The following RAP1GAP2 variants were observed in gnomAD, a reference collection of about 807,000 sequenced individuals.
RAP1GAP2 encodes RAP1 GTPase activating protein 2.
A neutral mutation model predicts 95.0 loss-of-function variants in RAP1GAP2; 27 were observed. The ratio of observed to expected loss-of-function variants is 0.28; its 90% CI spans 0.21 to 0.39. The LOEUF (loss-of-function observed/expected upper bound fraction) is 0.39, where lower values mean the gene tolerates loss of function less well. RAP1GAP2 is among the 10% of genes least tolerant of loss of function. The pLI is 1.00. For missense variants in RAP1GAP2, 771 were observed against 970.0 expected, an observed-to-expected ratio of 0.79 and a Z score of 2.72; for synonymous variants, 373 against 380.9, an observed-to-expected ratio of 0.98 and a Z score of 0.24.
chr17:2,872,581 C>T (rs923821048), intron 2 of RAP1GAP2, among the ~76,000 whole-genome samples: 7 of 152,128 alleles, frequency 4.6e-5, no homozygotes, highest in African/African-American at 1.2e-4. Context: ...TTCTGTTACC[C>T]GCAGTCATGC....
intron 1 of RAP1GAP2, among the ~76,000 whole-genome samples, chr17:2,759,966 A>T (rs753281816): frequency 9.2e-5 from 14 of 152,162 alleles, no homozygotes; most frequent in Non-Finnish European, 1.3e-4. Flanking sequence ...ACCTCCAAAG[A>T]AGTTGTACCG....
chr17:2,927,102 G>C (rs994564832), intron 3 of RAP1GAP2, among the ~76,000 whole-genome samples: 1 of 151,496 alleles, frequency 6.6e-6, no homozygotes, highest in Non-Finnish European at 1.5e-5. Flanking sequence ...GCTCCTAGAA[G>C]GCCACCTGTA....
chr17:2,756,049 G>A (rs1054319578), intron 1 of RAP1GAP2, among the ~76,000 whole-genome samples: 3 of 152,220 alleles, frequency 2.0e-5, no homozygotes, highest in Non-Finnish European at 4.4e-5. Flanking sequence ...CTCCCGCGGG[G>A]GCGCCCTTTC....
intron 1 of RAP1GAP2, among the ~76,000 whole-genome samples, chr17:2,785,670 C>A (rs1421618686): frequency 6.6e-6 from 1 of 152,118 alleles, no homozygotes; most frequent in Non-Finnish European, 1.5e-5. Flanking sequence ...TTTAAAAAGG[C>A]CAAGAATTTC....
chr17:2,888,557 G>A (rs1015472443), intron 2 of RAP1GAP2, among the ~76,000 whole-genome samples: 2 of 151,876 alleles, frequency 1.3e-5, no homozygotes, highest in Non-Finnish European at 2.9e-5. Flanking sequence ...TTCCCATAAT[G>A]TCCTCCAGTT....
At chr17:2,887,681 T>C (rs2073547197) in intron 2 of RAP1GAP2, among the ~76,000 whole-genome samples, 1 of 77,246 alleles carries the variant, frequency 1.3e-5, no homozygotes, top group Admixed American at 1.4e-4. Context: ...GGTTTTTTTG[T>C]TTTTTTTTTT....
intron 2 of RAP1GAP2, among the ~76,000 whole-genome samples, chr17:2,846,187 GAAA>G (rs113651847): frequency 7.6e-6 from 1 of 130,756 alleles, no homozygotes. Context: ...TGTCTCAATT[GAAA>G]AAAAAAAAAA....
intron 2 of RAP1GAP2, among the ~76,000 whole-genome samples, chr17:2,882,825 G>A (rs2073358108): frequency 6.6e-6 from 1 of 152,190 alleles, no homozygotes; most frequent in Non-Finnish European, 1.5e-5. Flanking sequence ...TGGAGGCCAC[G>A]GGTGAGGGAA....
In RAP1GAP2 at chr17:2,965,104, G is replaced by A. The variant is rs1272490472; in HGVS notation, c.493-436G>A. 1 of 170,766 alleles carries A rather than the reference G, an allele frequency of 5.9e-6. No individual in the cohort carries two copies. Among genetic ancestry groups the A allele is most frequent in the Non-Finnish European group, 1.3e-5 (1 of 78,422 alleles). 10.6% of individuals were successfully genotyped at this position (170,766 alleles called of 1,614,324 possible). A position where few individuals can be genotyped will look rare whatever the true frequency, so the allele number is the denominator to read the frequency against. ...TCCTTGCTGTCTTGCCCCAGATAGTGTGAACTGGTGAGGGCCGCCCCATGG... is the reference window on the plus strand; with the variant it reads ...TCCTTGCTGTCTTGCCCCAGATAGTATGAACTGGTGAGGGCCGCCCCATGG... On this transcript the variant is annotated intron_variant, in intron 7 of 24. Transcript: ENST00000254695. The surrounding 1 kb of genome is among the most constrained non-coding windows in gnomAD (Gnocchi z 4.7).
At chr17:2,979,253 C>T (rs979662475) in intron 8 of RAP1GAP2, among the ~76,000 whole-genome samples, 2 of 152,084 alleles carry the variant, frequency 1.3e-5, no homozygotes, top group Non-Finnish European at 1.5e-5. Flanking sequence ...GATTCCATCC[C>T]ATTTATATTT....
intron 3 of RAP1GAP2, among the ~76,000 whole-genome samples, chr17:2,928,927 G>A (rs1392295990): frequency 6.6e-6 from 1 of 152,104 alleles, no homozygotes; most frequent in Non-Finnish European, 1.5e-5. Context: ...TCACTGGCTG[G>A]GTGGAGCTTC....
chr17:2,821,208 T>C (rs552392320), intron 2 of RAP1GAP2, among the ~76,000 whole-genome samples: 2 of 152,162 alleles, frequency 1.3e-5, no homozygotes, highest in Admixed American at 6.6e-5. Flanking sequence ...TTTCCATATA[T>C]TGCTACATTC....
chr17:2,769,601 T>C (rs1038377920), intron 1 of RAP1GAP2, among the ~76,000 whole-genome samples: 2 of 151,358 alleles, frequency 1.3e-5, no homozygotes, highest in African/African-American at 2.4e-5. Flanking sequence ...TAAAATAAAA[T>C]AAAATAAAAA....
At chr17:2,792,175 T>C (rs1316103090), upstream of RAP1GAP2, among the ~76,000 whole-genome samples, 1 of 152,170 alleles carries the variant, frequency 6.6e-6, no homozygotes, top group African/African-American at 2.4e-5. Context: ...CCTTGTCTCT[T>C]GACTCACAAT....
At chr17:2,776,228 G>C (rs2068495634), upstream of RAP1GAP2, among the ~76,000 whole-genome samples, 1 of 152,176 alleles carries the variant, frequency 6.6e-6, no homozygotes, top group Non-Finnish European at 1.5e-5. Flanking sequence ...TCAGGGGTCT[G>C]AGCAGCCCTG....
chr17:2,757,595 CAG>C (rs2071170381), intron 1 of RAP1GAP2, among the ~76,000 whole-genome samples: 1 of 152,074 alleles, frequency 6.6e-6, no homozygotes, highest in South Asian at 2.1e-4. Context: ...ACCACTGAGA[CAG>C]GGAAGCTCTG....
At chr17:2,998,995 T>G (rs1406974973) in intron 14 of RAP1GAP2, among the ~76,000 whole-genome samples, 2 of 152,164 alleles carry the variant, frequency 1.3e-5, no homozygotes, top group Non-Finnish European at 2.9e-5. Flanking sequence ...CCCTGGCCAC[T>G]GGGTAAGGCC....
At chr17:2,891,821 T>TC (rs2073730467) in intron 2 of RAP1GAP2, among the ~76,000 whole-genome samples, 1 of 110,262 alleles carries the variant, frequency 9.1e-6, no homozygotes, top group Non-Finnish European at 1.9e-5. Flanking sequence ...TTTCTTTTTT[T>TC]TTTTTTTTTT....
At chr17:2,946,196 T>C (rs2043692326) in intron 3 of RAP1GAP2, among the ~76,000 whole-genome samples, 1 of 152,208 alleles carries the variant, frequency 6.6e-6, no homozygotes, top group Admixed American at 6.5e-5. Context: ...TATTGGTACT[T>C]CGTTGAGGAT....
Sources: allele counts gnomAD v4.1 joint callset (sites outside exome capture counted in the v4.1 genomes callset), GRCh38; gene constraint gnomAD v4.1.1; non-coding constraint Gnocchi (gnomAD v3.1); transcripts MANE v1.5; gene names NCBI Gene and HGNC (gene_info 2026-07-23, HGNC 2026-07-21).